PCSK2: variants seen among roughly 807,000 people sequenced by gnomAD.
PCSK2 encodes the protein neuroendocrine convertase 2.
Under a neutral mutation model 69.7 loss-of-function variants are expected in PCSK2, and 14 were observed. That is an observed-to-expected ratio of 0.20 (90% CI 0.13 to 0.31). The LOEUF (loss-of-function observed/expected upper bound fraction) is 0.31, where lower values mean the gene tolerates loss of function less well. Ranked by LOEUF, PCSK2 falls within the 10% of genes least tolerant of loss-of-function variation. PCSK2 has a pLI of 1.00. For synonymous variants in PCSK2, 307 were observed against 320.7 expected (o/e 0.96, Z 0.46); for missense variants, 544 against 842.5 (o/e 0.65, Z 4.39).
intron 5 of PCSK2, among the ~76,000 whole-genome samples, chr20:17,402,737 G>A (rs563807042): frequency 1.2e-4 from 18 of 150,204 alleles, no homozygotes; most frequent in Middle Eastern, 3.5e-3. Flanking sequence ...GGTGGATCAC[G>A]AGGTTAGGAG....
At chr20:17,474,685 A>C (rs569344837) in intron 11 of PCSK2, among the ~76,000 whole-genome samples, 1 of 152,302 alleles carries the variant, frequency 6.6e-6, no homozygotes, top group Admixed American at 6.5e-5. Flanking sequence ...ACAGACAGGA[A>C]CACACCGGCC....
At chr20:17,250,749 T>C (rs1986945265) in intron 1 of PCSK2, among the ~76,000 whole-genome samples, 1 of 152,164 alleles carries the variant, frequency 6.6e-6, no homozygotes, top group East Asian at 1.9e-4. Context: ...GTAAGATATG[T>C]TCCTCTGATA....
intron 2 of PCSK2, among the ~76,000 whole-genome samples, chr20:17,345,646 T>C (rs1479650084): frequency 6.6e-6 from 1 of 152,168 alleles, no homozygotes; most frequent in African/African-American, 2.4e-5. Flanking sequence ...ACCTGGAGAA[T>C]TTGAGGCCCT....
intron 11 of PCSK2, among the ~76,000 whole-genome samples, chr20:17,466,213 A>G (rs1209337837): frequency 2.0e-5 from 3 of 152,118 alleles, no homozygotes; most frequent in Non-Finnish European, 2.9e-5. Context: ...TAACATCCCC[A>G]TGCCAGCGTA....
intron 9 of PCSK2, among the ~76,000 whole-genome samples, chr20:17,455,345 T>G (rs776175999): frequency 2.0e-5 from 3 of 152,214 alleles, no homozygotes; most frequent in Non-Finnish European, 4.4e-5. Flanking sequence ...TACATGATTT[T>G]AATGAACACC....
intron 10 of PCSK2, chr20:17,463,299 A>G (rs1347917377): frequency 6.6e-6 from 1 of 152,202 alleles, no homozygotes; most frequent in African/African-American, 2.4e-5. Flanking sequence ...TCATTTGTCA[A>G]CACTTCTGAG....
At chr20:17,329,538 T>G (rs566091639) in intron 2 of PCSK2, among the ~76,000 whole-genome samples, 1 of 152,336 alleles carries the variant, frequency 6.6e-6, no homozygotes, top group Admixed American at 6.5e-5. Flanking sequence ...ATATTTAAAC[T>G]GAAAGACTTA....
chr20:17,345,384 T>A (rs1399751621), intron 2 of PCSK2, among the ~76,000 whole-genome samples: 1 of 152,138 alleles, frequency 6.6e-6, no homozygotes, highest in East Asian at 1.9e-4. Flanking sequence ...GCCTGTGAGG[T>A]CAAGAATTCC....
At chr20:17,436,597 C>T in intron 7 of PCSK2, 111 bp from the exon 8 acceptor site, 3 of 879,114 alleles carry the variant, frequency 3.4e-6, no homozygotes, top group Non-Finnish European at 5.4e-6. Flanking sequence ...CCCAGAGCAC[C>T]TGAGATCTCC....
intron 2 of PCSK2, among the ~76,000 whole-genome samples, chr20:17,290,569 A>G (rs1988663693): frequency 6.6e-6 from 1 of 152,172 alleles, no homozygotes; most frequent in South Asian, 2.1e-4. Flanking sequence ...TAGACGTTAA[A>G]TAACTGGCCC....
At chr20:17,460,229 AAGAG>A (rs1169493879) in intron 10 of PCSK2, among the ~76,000 whole-genome samples, 2 of 151,868 alleles carry the variant, frequency 1.3e-5, no homozygotes, top group Non-Finnish European at 2.9e-5. Flanking sequence ...AAACAAATAA[AAGAG>A]AGAGAGAGAA....
At chr20:17,340,097 A>G (rs1490291712) in intron 2 of PCSK2, among the ~76,000 whole-genome samples, 1 of 152,218 alleles carries the variant, frequency 6.6e-6, no homozygotes, top group Non-Finnish European at 1.5e-5. Context: ...CAAATGGGAC[A>G]AGAAAACCCA....
chr20:17,411,960 A>G (rs145636351), intron 6 of PCSK2, among the ~76,000 whole-genome samples: 4,625 of 152,336 alleles, frequency 0.03, 97 homozygotes, highest in African/African-American at 0.05. Context: ...AGGAAAACTA[A>G]CAAACAGAAA....
chr20:17,313,804 T>C (rs529062496), intron 2 of PCSK2, among the ~76,000 whole-genome samples: 126 of 152,306 alleles, frequency 8.3e-4, no homozygotes, highest in Non-Finnish European at 1.5e-3. Context: ...ATAAGAGTAG[T>C]TGTTTGTTCC....
chr20:17,274,320 T>A (rs1206407357), intron 2 of PCSK2, among the ~76,000 whole-genome samples: 1 of 152,124 alleles, frequency 6.6e-6, no homozygotes, highest in Non-Finnish European at 1.5e-5. Flanking sequence ...GATTGGAACA[T>A]CTCTCTTCAT....
At chr20:17,435,047 C>T (rs2032454889) in intron 7 of PCSK2, among the ~76,000 whole-genome samples, 2 of 152,150 alleles carry the variant, frequency 1.3e-5, no homozygotes, top group South Asian at 4.1e-4. Context: ...TAGGCTTATT[C>T]TAGATAATCT....
Position 17,227,340 on chromosome 20 carries a change from C to T in PCSK2, c.35C>T (p.Ala12Val). The change falls in exon 1 of 12, where the codon GCC (alanine) becomes GTC (valine). Residue 12 changes from alanine to valine, a missense_variant. This residue lies in a region of PCSK2 where 157 missense variants were observed against 155.0 expected (regional missense o/e 1.01). Transcript: ENST00000262545. Reference sequence around the variant, plus strand: ...GGTTGTGTCTCCCAGTGGAAGGCGGCCGCCGGGTTCCTCTTCTGTGTCATG... The same window carrying T: ...GGTTGTGTCTCCCAGTGGAAGGCGGTCGCCGGGTTCCTCTTCTGTGTCATG... ...KGGCVSQWKA[A>V]AGFLFCVMVF... The T allele has an allele frequency of 1.2e-6, 2 of 1,613,952 alleles. No individual in the cohort carries two copies. The highest frequency in any genetic ancestry group is 1.3e-5 in the African/African-American group (1 of 75,050).
At chr20:17,340,638 T>A (rs1990484472) in intron 2 of PCSK2, among the ~76,000 whole-genome samples, 1 of 152,244 alleles carries the variant, frequency 6.6e-6, no homozygotes, top group South Asian at 2.1e-4. Context: ...TCCTATTTTG[T>A]TACAATCTTG....
rs538949025 is a variant in PCSK2 at position 17,331,619 on chromosome 20, C to T, written c.283-26708C>T. On this transcript the variant is annotated intron_variant, in intron 2 of 11. Transcript: ENST00000262545. ...AAACAGCCAGTCTGTGACTGACCACCAGAAAAACAGATCTTGGGGCACTTA... is the reference window on the plus strand; with the variant it reads ...AAACAGCCAGTCTGTGACTGACCACTAGAAAAACAGATCTTGGGGCACTTA... Among the ~76,000 whole-genome samples the T allele has an allele frequency of 2.0e-5, 3 of 152,266 alleles. No individual in the cohort carries two copies. In the South Asian group the frequency reaches 6.2e-4, roughly 32 times the overall value.
Sources: gnomAD v4.1 joint callset for allele counts (sites outside exome capture counted in the v4.1 genomes callset) on GRCh38, gnomAD v4.1.1 for gene constraint, gnomAD v4.1.1 regional missense constraint, MANE v1.5 for transcripts, NCBI Gene and HGNC (gene_info 2026-07-23, HGNC 2026-07-21) for gene names.